Variants in PDK1 observed in about 807,000 individuals in gnomAD.
PDK1 encodes [Pyruvate dehydrogenase (acetyl-transferring)] kinase isozyme 1, mitochondrial.
A neutral mutation model predicts 54.2 loss-of-function variants in PDK1; 39 were observed. The ratio of observed to expected loss-of-function variants is 0.72; its 90% CI spans 0.56 to 0.94. PDK1 has a LOEUF of 0.94. PDK1 is among the 40% of genes least tolerant of loss of function. PDK1 has a pLI of 0.00. For missense variants in PDK1, 552 were observed against 566.0 expected, an observed-to-expected ratio of 0.98 and a Z score of 0.25; for synonymous variants, 221 against 207.1, an observed-to-expected ratio of 1.07 and a Z score of -0.58.
rs1558933865 is a variant in PDK1, at chr2:172,568,796, C to T, written c.825C>T (p.His275=). 5.0e-6 allele frequency: 8 copies of T among 1,602,644 alleles called. No homozygotes were observed. Among genetic ancestry groups the T allele is most frequent in the South Asian group, 4.4e-5 (4 of 90,838 alleles). The change falls in exon 7 of 11, where the codon CAC becomes CAT. Residue 275 remains histidine (H), a synonymous_variant. Coordinates refer to ENST00000282077, the MANE Select transcript of PDK1 (RefSeq NM_002610.5). The stretch of plus-strand genomic sequence containing the variant: ...TTTATGTACCATCCCATCTCTATCA[C>T]ATGGTGTTTGAACTTTTCAAGGTTT... The part of the protein sequence containing the change: ...QVVYVPSHLY[H]MVFELFKNAM...
the PDK1 span, among the ~76,000 whole-genome samples, chr2:172,666,090 T>C: frequency 1.3e-5 from 2 of 152,334 alleles, no homozygotes; most frequent in Admixed American, 1.3e-4. Flanking sequence ...AATTAAGGCC[T>C]GATGTTTTAG....
chr2:172,558,318 T>G (rs1688463738), intron 1 of PDK1: 1 of 157,728 alleles, frequency 6.3e-6, no homozygotes, highest in South Asian at 2.0e-4. Flanking sequence ...ACAGATTTTC[T>G]AAATGATAGC....
chr2:172,706,711 G>A, the PDK1 span, among the ~76,000 whole-genome samples: 1 of 152,202 alleles, frequency 6.6e-6, no homozygotes, highest in Non-Finnish European at 1.5e-5. Context: ...TTACAGATGT[G>A]AGCACCCACG....
chr2:172,699,478 C>CTTTTT, the PDK1 span, among the ~76,000 whole-genome samples: 1 of 130,232 alleles, frequency 7.7e-6, no homozygotes. Context: ...CCTCATCTGA[C>CTTTTT]TTTTTTTTTT....
the PDK1 span, among the ~76,000 whole-genome samples, chr2:172,665,154 G>GTTTTTTTTTTTTTTTTTTTT: frequency 6.7e-6 from 1 of 149,366 alleles, no homozygotes. Context: ...GCCAAAGAAT[G>GTTTTTTTTTTTTTTTTTTTT]TTTTTTTTTT....
At chr2:172,618,610 G>T in the PDK1 span, among the ~76,000 whole-genome samples, 11 of 152,178 alleles carry the variant, frequency 7.2e-5, no homozygotes, top group African/African-American at 2.7e-4. Flanking sequence ...GTTATGTTTG[G>T]AGCAGAATTA....
intron 1 of PDK1, among the ~76,000 whole-genome samples, chr2:172,557,099 G>A (rs577746364): frequency 2.6e-5 from 4 of 152,330 alleles, no homozygotes; most frequent in African/African-American, 9.6e-5. Context: ...CTTCTGCATT[G>A]TGACTTCTGC....
At chr2:172,626,838 AAAC>A in the PDK1 span, among the ~76,000 whole-genome samples, 1 of 152,186 alleles carries the variant, frequency 6.6e-6, no homozygotes, top group African/African-American at 2.4e-5. Flanking sequence ...AATCAATAAA[AAAC>A]AAGATAAACT....
intron 7 of PDK1, among the ~76,000 whole-genome samples, chr2:172,570,294 A>G (rs1413816738): frequency 2.0e-5 from 3 of 152,342 alleles, no homozygotes; most frequent in East Asian, 3.9e-4. Flanking sequence ...TGCTCCATCA[A>G]ATACGACCAT....
At chr2:172,577,711 T>C (rs186757764) in intron 8 of PDK1, among the ~76,000 whole-genome samples, 206 of 152,262 alleles carry the variant, frequency 1.4e-3, no homozygotes, top group Non-Finnish European at 2.1e-3. Context: ...TTCTCCTAAA[T>C]AGGCCTTTTC....
chr2:172,637,225 T>C, the PDK1 span, among the ~76,000 whole-genome samples: 2 of 152,362 alleles, frequency 1.3e-5, no homozygotes, highest in African/African-American at 4.8e-5. Context: ...TTTGACCTGT[T>C]CTGGAGCAGC....
chr2:172,693,179 C>T, the PDK1 span, among the ~76,000 whole-genome samples: 2 of 152,236 alleles, frequency 1.3e-5, no homozygotes, highest in Non-Finnish European at 2.9e-5. Context: ...TGACACATCA[C>T]TGTGGTGATA....
chr2:172,683,075 G>T, the PDK1 span, among the ~76,000 whole-genome samples: 1 of 152,104 alleles, frequency 6.6e-6, no homozygotes, highest in Non-Finnish European at 1.5e-5. Flanking sequence ...GGCTGGGCAT[G>T]GGGGCTCACA....
At chr2:172,687,249 A>T in the PDK1 span, among the ~76,000 whole-genome samples, 1 of 151,824 alleles carries the variant, frequency 6.6e-6, no homozygotes, top group Non-Finnish European at 1.5e-5. Context: ...TTATATGTTT[A>T]TTGTCTATAT....
At chr2:172,618,828 C>T in the PDK1 span, among the ~76,000 whole-genome samples, 1 of 152,112 alleles carries the variant, frequency 6.6e-6, no homozygotes, top group African/African-American at 2.4e-5. Context: ...CTGGGAGTTC[C>T]AGAGTTGGGG....
chr2:172,678,176 A>G, the PDK1 span, among the ~76,000 whole-genome samples: 1 of 152,108 alleles, frequency 6.6e-6, no homozygotes, highest in Non-Finnish European at 1.5e-5. Flanking sequence ...TCTCAAAAAA[A>G]AGAAAGAAAG....
chr2:172,614,529 A>G, the PDK1 span, among the ~76,000 whole-genome samples: 18 of 152,200 alleles, frequency 1.2e-4, no homozygotes, highest in Non-Finnish European at 1.8e-4. Flanking sequence ...AGAAACTGTT[A>G]GCAGAGAGGA....
At chr2:172,595,321 A>G (rs1456955481) in intron 10 of PDK1, among the ~76,000 whole-genome samples, 3 of 152,098 alleles carry the variant, frequency 2.0e-5, no homozygotes, top group Admixed American at 1.3e-4. Flanking sequence ...CTTCCTGTGT[A>G]AGCCTCCCAA....
the PDK1 span, among the ~76,000 whole-genome samples, chr2:172,703,957 A>G: frequency 6.6e-6 from 1 of 151,126 alleles, no homozygotes; most frequent in African/African-American, 2.4e-5. Flanking sequence ...TATTTTTAGT[A>G]GAGACAGGGT....
Sources: allele counts gnomAD v4.1 joint callset (sites outside exome capture counted in the v4.1 genomes callset), GRCh38; gene constraint gnomAD v4.1.1; transcripts MANE v1.5; gene names NCBI Gene and HGNC (gene_info 2026-07-23, HGNC 2026-07-21).